The following CELF2 variants were observed in gnomAD, a reference collection of about 807,000 sequenced individuals.
CELF2 encodes CUG triplet repeat RNA-binding protein 2.
A neutral mutation model predicts 62.6 loss-of-function variants in CELF2; 8 were observed. The observed-to-expected ratio is 0.13, with a 90% confidence interval of 0.07 to 0.23. The LOEUF (loss-of-function observed/expected upper bound fraction) is 0.23. CELF2 is among the 10% of genes least tolerant of loss of function. The pLI, the probability that CELF2 is intolerant of heterozygous loss-of-function variation, is 1.00. For missense variants in CELF2, 333 were observed against 671.0 expected (o/e 0.50, Z 5.56); for synonymous variants, 258 against 250.0 (o/e 1.03, Z -0.30).
intron 1 of CELF2, among the ~76,000 whole-genome samples, chr10:11,130,053 A>T (rs1313198477): frequency 1.3e-5 from 2 of 152,200 alleles, no homozygotes; most frequent in African/African-American, 4.8e-5. Flanking sequence ...AATGTGTCCC[A>T]GAGATTCTGG....
chr10:10,806,346 A>C (rs1180851291), intron 1 of CELF2, among the ~76,000 whole-genome samples: 4 of 152,116 alleles, frequency 2.6e-5, no homozygotes, highest in Middle Eastern at 3.4e-3. Context: ...CTGGGATTAC[A>C]GGCACGTCCC....
At chr10:10,534,481 T>C in the CELF2 span, among the ~76,000 whole-genome samples, 15 of 152,052 alleles carry the variant, frequency 9.9e-5, no homozygotes, top group Non-Finnish European at 1.3e-4. Flanking sequence ...ACACACAGAG[T>C]TGGGTTAACC....
At position 11,110,744 on chromosome 10, in the gene CELF2, A is replaced by C. The variant is rs1355737266; in HGVS notation, c.75-54742A>C. On this transcript the variant is annotated intron_variant, in intron 1 of 12. Coordinates refer to ENST00000633077, the MANE Select transcript of CELF2 (RefSeq NM_001326342.2). The surrounding 1 kb of genome is among the most constrained non-coding windows in gnomAD (Gnocchi z 4.0). The stretch of plus-strand genomic sequence containing the variant: ...AAAGGCCCCTTTCTTCTGGAATTCC[A>C]GAGTACAGTGTGCCCACGGGAGGCC... Among the ~76,000 whole-genome samples the C allele has an allele frequency of 6.6e-6, 1 of 152,086 alleles. No homozygotes were observed. Among genetic ancestry groups the C allele is most frequent in the Non-Finnish European group, 1.5e-5 (1 of 67,992 alleles).
the CELF2 span, among the ~76,000 whole-genome samples, chr10:10,609,532 G>A: frequency 6.6e-6 from 1 of 152,224 alleles, no homozygotes; most frequent in Non-Finnish European, 1.5e-5. Flanking sequence ...ATGGATGGAA[G>A]CAAATGTGAA....
chr10:10,504,945 G>A, the CELF2 span, among the ~76,000 whole-genome samples: 2 of 151,938 alleles, frequency 1.3e-5, no homozygotes, highest in South Asian at 4.2e-4. Context: ...CTTCAAGTAT[G>A]TTTGTAATTG....
chr10:10,486,996 C>G, the CELF2 span, among the ~76,000 whole-genome samples: 1 of 152,142 alleles, frequency 6.6e-6, no homozygotes, highest in East Asian at 1.9e-4. Flanking sequence ...TTAAATTTCC[C>G]TGTCCATCGT....
At position 10,902,568 on chromosome 10, in the gene CELF2, A is replaced by G. The variant is rs1435577868; in HGVS notation, c.54-17396A>G. Among the ~76,000 whole-genome samples, 5 of 152,350 alleles carry G rather than the reference A, an allele frequency of 3.3e-5. No homozygotes were observed. The East Asian group carries it at 7.7e-4, about 23-fold the overall frequency. Reference sequence around the variant, plus strand: ...ATGGAAACTTACGTAGAGTGAAGGAAGGCAAATCAGTGGTTACTTGGGGAC... The same window carrying G: ...ATGGAAACTTACGTAGAGTGAAGGAGGGCAAATCAGTGGTTACTTGGGGAC... On this transcript the variant is annotated intron_variant, in intron 1 of 13. Coordinates refer to the CELF2 transcript ENST00000636488.
intron 1 of CELF2, among the ~76,000 whole-genome samples, chr10:11,100,730 T>G (rs1194404499): frequency 6.6e-6 from 1 of 152,130 alleles, no homozygotes; most frequent in East Asian, 1.9e-4. Context: ...ATGTGAGATG[T>G]TTTTAAAGCA....
chr10:11,052,341 AAGTT>A (rs1280331887), intron 1 of CELF2, among the ~76,000 whole-genome samples: 1 of 152,204 alleles, frequency 6.6e-6, no homozygotes, highest in African/African-American at 2.4e-5. Flanking sequence ...GACATTGCCA[AAGTT>A]AGTTCAGATA....
At chr10:11,081,622 C>T (rs1229074267) in intron 1 of CELF2, among the ~76,000 whole-genome samples, 1 of 152,162 alleles carries the variant, frequency 6.6e-6, no homozygotes, top group Non-Finnish European at 1.5e-5. Context: ...ATTAAATTCA[C>T]GTGTTAGAAC....
chr10:10,841,056 T>C (rs2058649334), intron 1 of CELF2, among the ~76,000 whole-genome samples: 2 of 152,232 alleles, frequency 1.3e-5, no homozygotes, highest in Admixed American at 1.3e-4. Flanking sequence ...ATTCCTGTTG[T>C]ATATGTGCCA....
chr10:10,474,974 G>A, the CELF2 span, among the ~76,000 whole-genome samples: 1 of 152,032 alleles, frequency 6.6e-6, no homozygotes, highest in Non-Finnish European at 1.5e-5. Flanking sequence ...TTAACACAGA[G>A]GTCAATAGGA....
the CELF2 span, among the ~76,000 whole-genome samples, chr10:10,508,865 AG>A: frequency 6.6e-6 from 1 of 152,006 alleles, no homozygotes; most frequent in Non-Finnish European, 1.5e-5. Flanking sequence ...TAGTAGAGAC[AG>A]GGTTTCACTA....
At chr10:10,562,328 A>C in the CELF2 span, among the ~76,000 whole-genome samples, 84 of 152,352 alleles carry the variant, frequency 5.5e-4, no homozygotes, top group African/African-American at 1.9e-3. Flanking sequence ...TGAAGAGCCA[A>C]AGGGATAGTT....
chr10:11,042,130 G>A (rs1387380639), intron 1 of CELF2, among the ~76,000 whole-genome samples: 3 of 152,206 alleles, frequency 2.0e-5, no homozygotes, highest in Non-Finnish European at 4.4e-5. Flanking sequence ...TGATTTGTCA[G>A]AAGATTACCA....
intron 1 of CELF2, among the ~76,000 whole-genome samples, chr10:11,079,169 A>G (rs1468723054): frequency 1.3e-5 from 2 of 152,146 alleles, no homozygotes; most frequent in Non-Finnish European, 2.9e-5. Flanking sequence ...ACGTTCTAAA[A>G]CTTACTGAGA....
intron 7 of CELF2, among the ~76,000 whole-genome samples, chr10:11,271,181 G>A (rs10795855): frequency 0.65 from 99,160 of 152,090 alleles, 33,756 homozygotes; most frequent in Non-Finnish European, 0.76. Flanking sequence ...CAGGACCTCA[G>A]GTGAAATCTC....
At chr10:11,056,319 A>G (rs1291781191) in intron 1 of CELF2, among the ~76,000 whole-genome samples, 3 of 152,214 alleles carry the variant, frequency 2.0e-5, no homozygotes, top group Non-Finnish European at 4.4e-5. Flanking sequence ...GAGTGGTTCG[A>G]TGTTTTTATA....
upstream of CELF2, among the ~76,000 whole-genome samples, chr10:10,797,343 G>A (rs1201116076): frequency 6.6e-6 from 1 of 151,700 alleles, no homozygotes; most frequent in African/African-American, 2.4e-5. Context: ...GGCTGGTGCA[G>A]GTATGTTCTT....
Sources: allele counts gnomAD v4.1 joint callset (sites outside exome capture counted in the v4.1 genomes callset), GRCh38; gene constraint gnomAD v4.1.1; non-coding constraint Gnocchi (gnomAD v3.1); transcripts MANE v1.5; gene names NCBI Gene and HGNC (gene_info 2026-07-23, HGNC 2026-07-21).